The following TOX variants were observed in gnomAD, a reference collection of about 807,000 sequenced individuals.
TOX encodes the protein thymocyte selection associated high mobility group box, also known as thymocyte selection-associated high mobility group box protein TOX.
Under a neutral mutation model 53.7 loss-of-function variants are expected in TOX, and 11 were observed. The ratio of observed to expected loss-of-function variants is 0.20; its 90% CI spans 0.13 to 0.34. TOX has a LOEUF of 0.34. TOX is among the 10% of genes least tolerant of loss of function. TOX has a pLI of 1.00. For missense variants in TOX, 570 were observed against 664.6 expected (o/e 0.86, Z 1.56); for synonymous variants, 225 against 245.3 (o/e 0.92, Z 0.77).
chr8:58,904,481 C>A (rs1811782337), intron 3 of TOX, among the ~76,000 whole-genome samples: 2 of 152,106 alleles, frequency 1.3e-5, no homozygotes, highest in South Asian at 2.1e-4. Context: ...ATTCGAGAAC[C>A]ATTTCCACCT....
intron 2 of TOX, among the ~76,000 whole-genome samples, chr8:58,940,164 C>T (rs1434100223): frequency 3.9e-5 from 6 of 152,180 alleles, no homozygotes; most frequent in Non-Finnish European, 8.8e-5. Flanking sequence ...GTGAAGATTA[C>T]TTTTATGATT....
At position 59,063,290 on chromosome 8, in the gene TOX, A is replaced by T. The variant is rs116698149; in HGVS notation, c.102+55596T>A. Among the ~76,000 whole-genome samples, 563 of 152,304 alleles carry T rather than the reference A, an allele frequency of 3.7e-3. 5 individuals carry two copies. Among genetic ancestry groups the T allele is most frequent in the African/African-American group, 0.013 (546 of 41,562 alleles). On this transcript the variant is annotated intron_variant, in intron 1 of 8. Coordinates refer to ENST00000361421, the MANE Select transcript of TOX (RefSeq NM_014729.3). ...GACAGGTAAATGTTTCAAACATTAT[A>T]GGTTAAGAGCTAATGACTGCTTATT...
chr8:58,863,845 A>G (rs17294781), intron 3 of TOX, among the ~76,000 whole-genome samples: 3,736 of 152,328 alleles, frequency 0.025, 57 homozygotes, highest in Non-Finnish European at 0.035. Flanking sequence ...TGGAAGACAT[A>G]CTATAATACA....
At chr8:58,936,708 C>G (rs1812350431) in intron 3 of TOX, among the ~76,000 whole-genome samples, 1 of 152,092 alleles carries the variant, frequency 6.6e-6, no homozygotes. Context: ...GGAATCCAGC[C>G]AGAGATCCCC....
At chr8:58,900,019 A>G (rs1302092186) in intron 3 of TOX, among the ~76,000 whole-genome samples, 1 of 151,960 alleles carries the variant, frequency 6.6e-6, no homozygotes, top group Non-Finnish European at 1.5e-5. Flanking sequence ...TCATTTCAGG[A>G]GATGGTCCTT....
intron 1 of TOX, among the ~76,000 whole-genome samples, chr8:59,042,596 C>T (rs2129420818): frequency 6.6e-6 from 1 of 152,308 alleles, no homozygotes; most frequent in East Asian, 1.9e-4. Flanking sequence ...CAAGTCCATA[C>T]ACCTAGTTCT....
chr8:58,889,601 CAG>C (rs781249194), intron 3 of TOX, among the ~76,000 whole-genome samples: 5 of 151,878 alleles, frequency 3.3e-5, no homozygotes, highest in African/African-American at 4.8e-5. Context: ...TAGAAAAAAA[CAG>C]AAATTTTAAA....
intron 7 of TOX, among the ~76,000 whole-genome samples, chr8:58,808,736 A>G: frequency 6.6e-6 from 1 of 152,212 alleles, no homozygotes; most frequent in South Asian, 2.1e-4. Context: ...ATTGTTCTCA[A>G]ACCTCTTTTT....
intron 1 of TOX, among the ~76,000 whole-genome samples, chr8:59,033,444 G>A (rs1201331439): frequency 6.6e-6 from 1 of 152,244 alleles, no homozygotes; most frequent in Non-Finnish European, 1.5e-5. Context: ...TTGAGGAGAT[G>A]AGTGGTGGTG....
At chr8:58,824,566 G>C (rs1810336334) in intron 6 of TOX, among the ~76,000 whole-genome samples, 3 of 152,090 alleles carry the variant, frequency 2.0e-5, no homozygotes, top group African/African-American at 7.2e-5. Context: ...CTTTCCTCTG[G>C]CTCTCTGGTT....
At chr8:59,050,908 T>C (rs552256642) in intron 1 of TOX, among the ~76,000 whole-genome samples, 31 of 152,188 alleles carry the variant, frequency 2.0e-4, no homozygotes, top group Non-Finnish European at 4.3e-4. Flanking sequence ...AATCATTCTT[T>C]GCTTTGAAGA....
At chr8:58,829,654 A>T (rs1166972250) in intron 5 of TOX, among the ~76,000 whole-genome samples, 3 of 152,178 alleles carry the variant, frequency 2.0e-5, no homozygotes, top group Admixed American at 6.6e-5. Flanking sequence ...GAACTACCTG[A>T]TGGCTCCCAT....
rs1429713547 is a variant in TOX at position 58,807,197 on chromosome 8, A to G, written c.*550T>C. On this transcript the variant is annotated 3_prime_UTR_variant, in exon 9 of 9. Transcript: ENST00000361421. Reference sequence around the variant, plus strand: ...GAACTATCAGTCAGTTGTTTTAAAAATGAAGTAAAAATATGAATGTTTGCC... The same window carrying G: ...GAACTATCAGTCAGTTGTTTTAAAAGTGAAGTAAAAATATGAATGTTTGCC... The G allele has an allele frequency of 2.0e-5, 3 of 152,662 alleles. No homozygotes were observed. Among genetic ancestry groups the G allele is most frequent in the Non-Finnish European group, 4.4e-5 (3 of 68,038 alleles). The allele number at this position is 152,662 out of a possible 1,614,324, so 9.5% of individuals were successfully genotyped here.
intron 3 of TOX, among the ~76,000 whole-genome samples, chr8:58,853,109 T>C (rs908935600): frequency 6.6e-6 from 1 of 152,160 alleles, no homozygotes; most frequent in African/African-American, 2.4e-5. Context: ...TGTGTTCTTC[T>C]CCGGAACGCA....
chr8:59,070,506 AACACACAC>A (rs371344375), intron 1 of TOX, among the ~76,000 whole-genome samples: 1,598 of 140,210 alleles, frequency 0.011, 13 homozygotes, highest in South Asian at 0.026. Flanking sequence ...TGTCAAGGAA[AACACACAC>A]ACACACACAC....
intron 5 of TOX, among the ~76,000 whole-genome samples, chr8:58,835,915 C>T (rs1055437288): frequency 2.0e-5 from 3 of 152,166 alleles, no homozygotes; most frequent in Admixed American, 6.5e-5. Context: ...CTAGTTCAGT[C>T]ACTAAGTCTT....
intron 3 of TOX, among the ~76,000 whole-genome samples, chr8:58,935,223 A>T (rs747220643): frequency 1.3e-5 from 2 of 152,128 alleles, no homozygotes; most frequent in Admixed American, 6.5e-5. Flanking sequence ...CATAATTCAT[A>T]TATAAAACAT....
At chr8:59,044,702 G>C (rs114480800) in intron 1 of TOX, among the ~76,000 whole-genome samples, 2 of 151,942 alleles carry the variant, frequency 1.3e-5, no homozygotes, top group South Asian at 2.1e-4. Flanking sequence ...CTCCACCAAG[G>C]CTCTTTCAAA....
intron 2 of TOX, among the ~76,000 whole-genome samples, chr8:58,959,539 G>A (rs1313445003): frequency 3.3e-5 from 5 of 152,138 alleles, no homozygotes; most frequent in Admixed American, 6.5e-5. Context: ...GGTTACGAAC[G>A]TTACGTTTTG....
Sources: allele counts gnomAD v4.1 joint callset (sites outside exome capture counted in the v4.1 genomes callset), GRCh38; gene constraint gnomAD v4.1.1; transcripts MANE v1.5; gene names NCBI Gene and HGNC (gene_info 2026-07-23, HGNC 2026-07-21).